GRID2: variants seen among roughly 807,000 people sequenced by gnomAD.
The protein encoded by GRID2 is glutamate receptor ionotropic, delta-2.
GRID2 carries 33 observed loss-of-function variants against 114.8 expected under a neutral mutation model. That is an observed-to-expected ratio of 0.29 (90% CI 0.22 to 0.38). The LOEUF is 0.38. Among genes scored for constraint, GRID2 ranks in the 10% least tolerant of loss-of-function variants. The pLI is 1.00. For missense variants in GRID2, 1,184 were observed against 1,257.7 expected (o/e 0.94, Z 0.89); for synonymous variants, 505 against 449.9 (o/e 1.12, Z -1.55).
intron 2 of GRID2, among the ~76,000 whole-genome samples, chr4:92,645,705 A>G (rs541561632): frequency 6.6e-6 from 1 of 151,756 alleles, no homozygotes; most frequent in East Asian, 1.9e-4. Flanking sequence ...ATCACCATGG[A>G]CTGCTCCTTA....
intron 2 of GRID2, among the ~76,000 whole-genome samples, chr4:92,933,375 A>G (rs1438715354): frequency 6.6e-6 from 1 of 151,472 alleles, no homozygotes; most frequent in Non-Finnish European, 1.5e-5. Flanking sequence ...CATATTTCTT[A>G]TTGGTTAAAT....
intron 13 of GRID2, among the ~76,000 whole-genome samples, chr4:93,533,033 G>A (rs1731611672): frequency 6.6e-6 from 1 of 152,146 alleles, no homozygotes; most frequent in Admixed American, 6.5e-5. Flanking sequence ...ACCAAATGAT[G>A]TATTGGACCA....
intron 1 of GRID2, among the ~76,000 whole-genome samples, chr4:92,463,318 T>C (rs1452271213): frequency 1.3e-5 from 2 of 151,970 alleles, no homozygotes; most frequent in Non-Finnish European, 2.9e-5. Context: ...ATCACTTGTA[T>C]CTAATATGTG....
intron 14 of GRID2, among the ~76,000 whole-genome samples, chr4:93,653,502 G>C (rs546612788): frequency 6.6e-6 from 1 of 152,112 alleles, no homozygotes; most frequent in Admixed American, 6.5e-5. Flanking sequence ...CTTCCCAGAA[G>C]TGTGCTATTT....
rs182106716 is a variant in GRID2 at position 92,712,343 on chromosome 4, A to T, written c.244+122057A>T. On this transcript the variant is annotated intron_variant, in intron 2 of 15. Coordinates refer to ENST00000282020, the MANE Select transcript of GRID2 (RefSeq NM_001510.4). ...TTTATACTTTAGTGAACAATTTTTTAAAAAATTAGTTTTATTTTTCCAATA... is the reference window on the plus strand; with the variant it reads ...TTTATACTTTAGTGAACAATTTTTTTAAAAATTAGTTTTATTTTTCCAATA... 2.0e-4 allele frequency among the ~76,000 whole-genome samples: 30 copies of T among 152,222 alleles called. No individual in the cohort carries two copies. In the East Asian group the frequency reaches 5.0e-3, roughly 25 times the overall value.
At chr4:93,373,148 C>T (rs1763084189) in intron 8 of GRID2, among the ~76,000 whole-genome samples, 1 of 152,244 alleles carries the variant, frequency 6.6e-6, no homozygotes, top group South Asian at 2.1e-4. Flanking sequence ...CCCACAGGAA[C>T]TATTTGCTGG....
chr4:93,769,491 G>A, intron 15 of GRID2, 41 bp downstream of exon 15: 1 of 1,605,342 alleles, frequency 6.2e-7, no homozygotes, highest in Non-Finnish European at 8.5e-7. Context: ...GAATCAACAA[G>A]CAGGCTGTAT....
intron 4 of GRID2, among the ~76,000 whole-genome samples, chr4:93,134,773 G>A (rs1735093105): frequency 6.6e-6 from 1 of 152,086 alleles, no homozygotes; most frequent in South Asian, 2.1e-4. Context: ...ACAAAATGAA[G>A]GAAGTTGGGT....
intron 2 of GRID2, among the ~76,000 whole-genome samples, chr4:92,755,199 T>A (rs181865506): frequency 2.6e-5 from 4 of 152,274 alleles, no homozygotes; most frequent in South Asian, 2.1e-4. Flanking sequence ...AGACATAATA[T>A]GAAAATGAAT....
At chr4:92,439,953 A>G (rs1732953290) in intron 1 of GRID2, among the ~76,000 whole-genome samples, 1 of 145,694 alleles carries the variant, frequency 6.9e-6, no homozygotes, top group Non-Finnish European at 1.6e-5. Context: ...GTATGACTAG[A>G]CAGAAGATAG....
intron 13 of GRID2, among the ~76,000 whole-genome samples, chr4:93,590,374 G>A (rs1332235760): frequency 1.3e-5 from 2 of 150,254 alleles, no homozygotes; most frequent in Non-Finnish European, 3.0e-5. Context: ...TAGATAGGTG[G>A]CGTTATTTCT....
At chr4:93,674,072 T>C (rs1304442168) in intron 14 of GRID2, among the ~76,000 whole-genome samples, 1 of 152,190 alleles carries the variant, frequency 6.6e-6, no homozygotes, top group East Asian at 1.9e-4. Context: ...TCTTCTGTTT[T>C]GAAGCTTTGG....
At chr4:92,799,965 T>G (rs1268604543) in intron 2 of GRID2, among the ~76,000 whole-genome samples, 1 of 152,054 alleles carries the variant, frequency 6.6e-6, no homozygotes, top group Non-Finnish European at 1.5e-5. Flanking sequence ...ATATGCTTGC[T>G]CATAGTAAGG....
chr4:93,584,217 G>C (rs1011357993), intron 13 of GRID2, among the ~76,000 whole-genome samples: 1 of 152,022 alleles, frequency 6.6e-6, no homozygotes, highest in African/African-American at 2.4e-5. Flanking sequence ...CCCTCTAAAG[G>C]CTCTCTTATA....
At chr4:92,450,907 T>C (rs372875231) in intron 1 of GRID2, among the ~76,000 whole-genome samples, 2 of 142,684 alleles carry the variant, frequency 1.4e-5, no homozygotes, top group Non-Finnish European at 3.0e-5. Context: ...AAAATAAAAA[T>C]AAAATAATAT....
At chr4:93,443,526 G>A (rs1721811193) in intron 10 of GRID2, among the ~76,000 whole-genome samples, 2 of 151,858 alleles carry the variant, frequency 1.3e-5, no homozygotes, top group South Asian at 4.1e-4. Flanking sequence ...ATATTATAGG[G>A]GACATGGCCA....
intron 10 of GRID2, among the ~76,000 whole-genome samples, chr4:93,443,503 AAAT>A (rs532152692): frequency 1.2e-4 from 19 of 152,140 alleles, no homozygotes; most frequent in African/African-American, 4.1e-4. Context: ...AAAGTTAATC[AAAT>A]TTATCAAGCA....
At chr4:92,972,330 C>T (rs1231053761) in intron 2 of GRID2, among the ~76,000 whole-genome samples, 1 of 151,570 alleles carries the variant, frequency 6.6e-6, no homozygotes, top group Non-Finnish European at 1.5e-5. Flanking sequence ...ACTTGTTGGC[C>T]ATTTCTTTAA....
At chr4:92,622,051 G>T (rs1730302245) in intron 2 of GRID2, among the ~76,000 whole-genome samples, 1 of 151,712 alleles carries the variant, frequency 6.6e-6, no homozygotes, top group African/African-American at 2.4e-5. Context: ...ATGTGGAGTG[G>T]TTATAATAAT....
Sources: allele counts gnomAD v4.1 joint callset (sites outside exome capture counted in the v4.1 genomes callset), GRCh38; gene constraint gnomAD v4.1.1; transcripts MANE v1.5; gene names NCBI Gene and HGNC (gene_info 2026-07-23, HGNC 2026-07-21).